The following SYNE1 variants were observed in gnomAD, a reference collection of about 807,000 sequenced individuals.
SYNE1 encodes spectrin repeat containing nuclear envelope protein 1, also known as nesprin-1.
SYNE1 carries 616 observed loss-of-function variants against 1,111.0 expected under a neutral mutation model. The ratio of observed to expected loss-of-function variants is 0.55; its 90% CI spans 0.52 to 0.59. SYNE1 has a LOEUF of 0.59. Ranked by LOEUF, SYNE1 falls within the 20% of genes least tolerant of loss-of-function variation. The probability of loss-of-function intolerance (pLI) is 0.00; values close to 1 mark genes in which losing one functional copy is unlikely to be tolerated. For synonymous variants in SYNE1, 3,855 were observed against 3,825.8 expected (o/e 1.01, Z -0.28); for missense variants, 10,006 against 10,417.0 (o/e 0.96, Z 1.72).
At chr6:152,606,950 G>A (rs1237126847) in intron 3 of SYNE1, among the ~76,000 whole-genome samples, 15 of 148,512 alleles carry the variant, frequency 1.0e-4, no homozygotes, top group African/African-American at 3.2e-4. Context: ...CACCGCGCCC[G>A]GCAAAAGGAA....
chr6:152,237,286 T>A (rs1256638220), intron 108 of SYNE1, among the ~76,000 whole-genome samples: 1 of 150,426 alleles, frequency 6.6e-6, no homozygotes. Context: ...GTATGCAGTG[T>A]ACCTTCTATT....
In SYNE1 at chr6:152,409,724, G is replaced by T; in HGVS notation, c.6231-15C>A. 6.2e-7 allele frequency: 1 copy of T among 1,612,748 alleles called. No homozygotes were observed. Among genetic ancestry groups the T allele is most frequent in the African/African-American group, 1.3e-5 (1 of 75,010 alleles). On this transcript the variant is annotated splice_polypyrimidine_tract_variant and intron_variant, in intron 42 of 145. Transcript: ENST00000367255. The stretch of plus-strand genomic sequence containing the variant: ...ACTGACCCTGACTGTAATGATTAAA[G>T]AAAATATATTATTTGGTGTCATGTA...
At chr6:152,299,189 G>C (rs902483409) in intron 93 of SYNE1, among the ~76,000 whole-genome samples, 1 of 152,084 alleles carries the variant, frequency 6.6e-6, no homozygotes, top group Non-Finnish European at 1.5e-5. Flanking sequence ...TTTCCACAAA[G>C]TCTCAAATAA....
intron 66 of SYNE1, among the ~76,000 whole-genome samples, chr6:152,358,068 A>C (rs1348965563): frequency 6.6e-6 from 1 of 152,186 alleles, no homozygotes; most frequent in East Asian, 1.9e-4. Context: ...CCTTAGGGAG[A>C]AACAGGCAGG....
intron 107 of SYNE1, among the ~76,000 whole-genome samples, chr6:152,241,418 T>C (rs1264757079): frequency 1.3e-5 from 2 of 152,020 alleles, no homozygotes; most frequent in African/African-American, 4.8e-5. Context: ...TTAGTTTCCC[T>C]ACAGGAAATT....
chr6:152,240,760 C>A (rs1588520428), intron 107 of SYNE1, among the ~76,000 whole-genome samples: 1 of 152,132 alleles, frequency 6.6e-6, no homozygotes, highest in East Asian at 1.9e-4. Flanking sequence ...AACACTGAGT[C>A]CCCCCAGTCT....
chr6:152,620,184 G>C (rs2099672267), intron 3 of SYNE1, among the ~76,000 whole-genome samples: 1 of 152,022 alleles, frequency 6.6e-6, no homozygotes, highest in Non-Finnish European at 1.5e-5. Flanking sequence ...TTCTTTGTTT[G>C]GCTTTCAGAC....
intron 89 of SYNE1, 37 bp downstream of exon 89, chr6:152,310,359 T>A (rs367788881): frequency 3.8e-5 from 61 of 1,612,858 alleles, no homozygotes; most frequent in Non-Finnish European, 5.1e-5. Flanking sequence ...AAAATATAGG[T>A]CCCTGTCCCT....
intron 105 of SYNE1, among the ~76,000 whole-genome samples, chr6:152,247,643 C>T (rs890441891): frequency 6.7e-6 from 1 of 150,138 alleles, no homozygotes; most frequent in Non-Finnish European, 1.5e-5. Flanking sequence ...GATGGGAGAA[C>T]TGCTTGAGCC....
chr6:152,394,647 A>T (rs954679537), intron 51 of SYNE1, among the ~76,000 whole-genome samples: 2 of 152,326 alleles, frequency 1.3e-5, no homozygotes, highest in African/African-American at 4.8e-5. Context: ...AACAGGGACC[A>T]CAAAGAAAGT....
intron 106 of SYNE1, among the ~76,000 whole-genome samples, chr6:152,243,930 T>A (rs1164712467): frequency 6.6e-6 from 1 of 152,202 alleles, no homozygotes; most frequent in African/African-American, 2.4e-5. Flanking sequence ...TGCCTAAATG[T>A]CAGATCTAGC....
intron 3 of SYNE1, among the ~76,000 whole-genome samples, chr6:152,581,650 T>G (rs1344728003): frequency 1.3e-5 from 2 of 152,148 alleles, no homozygotes; most frequent in African/African-American, 4.8e-5. Context: ...CCAGTTTTAG[T>G]GCAAACACCT....
At chr6:152,177,518 T>C (rs187521889) in intron 129 of SYNE1, among the ~76,000 whole-genome samples, 1 of 152,338 alleles carries the variant, frequency 6.6e-6, no homozygotes, top group East Asian at 1.9e-4. Flanking sequence ...TGGTCTAAAG[T>C]TAGTGTGGTA....
chr6:152,263,853 A>G (rs530259268), intron 100 of SYNE1, among the ~76,000 whole-genome samples: 1 of 152,260 alleles, frequency 6.6e-6, no homozygotes, highest in South Asian at 2.1e-4. Context: ...TGAGAATGAA[A>G]GAGAATACAT....
intron 124 of SYNE1, 64 bp downstream of exon 124, chr6:152,211,430 C>A: frequency 7.2e-7 from 1 of 1,389,836 alleles, no homozygotes; most frequent in South Asian, 1.2e-5. Context: ...CCAATCTGCT[C>A]ATTAAAAAGA....
chr6:152,279,536 T>C (rs558504327), intron 97 of SYNE1, among the ~76,000 whole-genome samples: 113 of 151,542 alleles, frequency 7.5e-4, no homozygotes, highest in African/African-American at 2.3e-3. Flanking sequence ...GGCAACATAG[T>C]GAAACCCCGT....
chr6:152,609,428 C>T (rs544117242), intron 3 of SYNE1, among the ~76,000 whole-genome samples: 14 of 152,154 alleles, frequency 9.2e-5, no homozygotes, highest in East Asian at 7.8e-4. Context: ...GAGGAGTGTT[C>T]GCCATTGCTG....
intron 3 of SYNE1, among the ~76,000 whole-genome samples, chr6:152,565,938 A>G (rs1426054703): frequency 2.0e-5 from 3 of 152,218 alleles, no homozygotes; most frequent in Admixed American, 2.0e-4. Flanking sequence ...ACTGCACACA[A>G]ATTATGTGCA....
In SYNE1 at chr6:152,232,059, C is replaced by A. The variant is rs2082897339; in HGVS notation, c.20862+57G>T. 3.0e-6 allele frequency: 4 copies of A among 1,340,846 alleles called. No homozygotes were observed. In the East Asian group the frequency reaches 7.0e-5, roughly 23 times the overall value. The allele number at this position is 1,340,846 out of a possible 1,614,324, so 83.1% of individuals were successfully genotyped here. On this transcript the variant is annotated intron_variant, in intron 113 of 145. Transcript: ENST00000367255. ...TTACCATAATTTGAGTTTTTTAGTT[C>A]TTTCAAATAAAATGGTCTGAAAATA...
Sources: gnomAD v4.1 joint callset for allele counts (sites outside exome capture counted in the v4.1 genomes callset) on GRCh38, gnomAD v4.1.1 for gene constraint, MANE v1.5 for transcripts, NCBI Gene and HGNC (gene_info 2026-07-23, HGNC 2026-07-21) for gene names.